The following ARMC9 variants were observed in gnomAD, a reference collection of about 807,000 sequenced individuals.
ARMC9 encodes the protein lisH domain-containing protein ARMC9.
Under a neutral mutation model 107.0 loss-of-function variants are expected in ARMC9, and 94 were observed. The ratio of observed to expected loss-of-function variants is 0.88; its 90% CI spans 0.74 to 1.04. The LOEUF is 1.04. ARMC9 is among the 50% of genes least tolerant of loss of function. The pLI, the probability that ARMC9 is intolerant of heterozygous loss-of-function variation, is 0.00. For missense variants in ARMC9, 942 were observed against 1,030.1 expected (o/e 0.91, Z 1.17); for synonymous variants, 380 against 396.9 (o/e 0.96, Z 0.51).
intron 12 of ARMC9, among the ~76,000 whole-genome samples, chr2:231,264,174 A>G (rs368252257): frequency 1.3e-5 from 2 of 152,122 alleles, no homozygotes; most frequent in Non-Finnish European, 2.9e-5. Context: ...TGTAGTTGCT[A>G]TGGTTTACTT....
chr2:231,204,193 A>G (rs1574829521), intron 1 of ARMC9, among the ~76,000 whole-genome samples: 1 of 151,242 alleles, frequency 6.6e-6, no homozygotes, highest in African/African-American at 2.4e-5. Context: ...AAAAAAAAAA[A>G]AAAAGGACAT....
chr2:231,256,731 G>A (rs1001030344), intron 10 of ARMC9, 111 bp downstream of exon 10: 2 of 1,092,334 alleles, frequency 1.8e-6, no homozygotes, highest in Non-Finnish European at 1.4e-6. Flanking sequence ...GAATGCCTTT[G>A]AGCTAGAGCT....
chr2:231,370,244 G>A, intron 24 of ARMC9, 119 bp downstream of exon 24: 1 of 1,174,628 alleles, frequency 8.5e-7, no homozygotes, highest in South Asian at 2.2e-5. Context: ...AGGCCAGAAG[G>A]GCAGAAGGCC....
rs115945053 is a variant in ARMC9 at position 231,370,313 on chromosome 2, G to A, written c.2434+188G>A. Among the ~76,000 whole-genome samples, 1,268 of 152,316 alleles carry A rather than the reference G, an allele frequency of 8.3e-3. 20 individuals are homozygous for A. Among genetic ancestry groups the A allele is most frequent in the African/African-American group, 0.028 (1,171 of 41,568 alleles). ...GGTGGCTTCCTTTCCTCCAGGGACC[G>A]GTTCTGCATGAATCTTCCTTCCTAT... On this transcript the variant is annotated intron_variant, in intron 24 of 24. Transcript: ENST00000611582.
intron 3 of ARMC9, among the ~76,000 whole-genome samples, chr2:231,209,861 T>C (rs896537338): frequency 6.6e-6 from 1 of 152,102 alleles, no homozygotes; most frequent in Non-Finnish European, 1.5e-5. Context: ...TTAAAAAAAA[T>C]TATGTGGAGA....
chr2:231,279,672 G>A (rs1188350695), intron 16 of ARMC9, among the ~76,000 whole-genome samples: 1 of 151,750 alleles, frequency 6.6e-6, no homozygotes, highest in Non-Finnish European at 1.5e-5. Flanking sequence ...CACTACGTCT[G>A]GCTAATTTTT....
chr2:231,233,231 C>T (rs1440428531), intron 7 of ARMC9, among the ~76,000 whole-genome samples: 3 of 152,144 alleles, frequency 2.0e-5, no homozygotes, highest in East Asian at 1.9e-4. Flanking sequence ...TTTTGAAATA[C>T]AATTTGAATG....
intron 18 of ARMC9, among the ~76,000 whole-genome samples, chr2:231,292,773 G>A (rs766000135): frequency 1.2e-4 from 19 of 152,218 alleles, no homozygotes; most frequent in Non-Finnish European, 2.6e-4. Context: ...TTCTGCACAC[G>A]AGCAGAAAGT....
chr2:231,357,451 C>T (rs567701560), intron 22 of ARMC9, among the ~76,000 whole-genome samples: 2 of 152,354 alleles, frequency 1.3e-5, no homozygotes, highest in East Asian at 3.9e-4. Context: ...AGGACACGGA[C>T]CCACGCAGCC....
At chr2:231,324,122 ACTTTTTTTTT>A (rs1451888146) in intron 19 of ARMC9, among the ~76,000 whole-genome samples, 1 of 95,342 alleles carries the variant, frequency 1.0e-5, no homozygotes, top group Non-Finnish European at 2.0e-5. Flanking sequence ...ATTGTAAAGT[ACTTTTTTTTT>A]TTTTTTTTTT....
chr2:231,254,044 A>G (rs2037534320), intron 9 of ARMC9, among the ~76,000 whole-genome samples: 1 of 152,196 alleles, frequency 6.6e-6, no homozygotes, highest in Non-Finnish European at 1.5e-5. Flanking sequence ...GGTGGGACTT[A>G]CATGACGCAG....
At chr2:231,333,389 G>A (rs374652431) in intron 20 of ARMC9, among the ~76,000 whole-genome samples, 1 of 152,182 alleles carries the variant, frequency 6.6e-6, no homozygotes, top group East Asian at 1.9e-4. Context: ...ATGGAGGCTG[G>A]GGGGCGGGGA....
At chr2:231,336,615 T>C (rs56721401) in intron 20 of ARMC9, among the ~76,000 whole-genome samples, 19,630 of 152,250 alleles carry the variant, frequency 0.13, 2,968 homozygotes, top group African/African-American at 0.36. Flanking sequence ...CTATAGTGAA[T>C]GCTAATTGCT....
rs371428399 is a variant in ARMC9 at position 231,206,201 on chromosome 2, T to C, written c.-38T>C. ...GTCTTGTATTTTTGCCTTCTAGAGA[T>C]TTTTGCTGTGAGAATTAATTACCAG... is the stretch of plus-strand genomic sequence containing the variant. On this transcript the variant is annotated 5_prime_UTR_variant, in exon 2 of 25. Transcript: ENST00000611582. The C allele has an allele frequency of 8.2e-6, 13 of 1,589,932 alleles. No individual in the cohort carries two copies. In the African/African-American group the frequency reaches 1.7e-4, roughly 21 times the overall value.
intron 9 of ARMC9, among the ~76,000 whole-genome samples, chr2:231,254,582 G>T (rs2037588486): frequency 6.6e-6 from 1 of 151,814 alleles, no homozygotes; most frequent in Non-Finnish European, 1.5e-5. Flanking sequence ...TACTCTGGAG[G>T]CTGAGGCAGG....
chr2:231,303,582 A>G (rs1253155420), intron 19 of ARMC9, among the ~76,000 whole-genome samples: 1 of 152,180 alleles, frequency 6.6e-6, no homozygotes, highest in Non-Finnish European at 1.5e-5. Flanking sequence ...TTTCTTCATC[A>G]TATGAGATGA....
chr2:231,296,718 T>C (rs1196739245), intron 19 of ARMC9, among the ~76,000 whole-genome samples: 2 of 152,226 alleles, frequency 1.3e-5, no homozygotes, highest in Non-Finnish European at 2.9e-5. Context: ...TTTTGACTTG[T>C]GTTTCCTCAG....
rs987537445 is a variant in ARMC9, at chr2:231,297,302, C to G, written c.1773+1049C>G. Among the ~76,000 whole-genome samples the G allele has an allele frequency of 6.6e-6, 1 of 152,186 alleles. No homozygotes were observed. Among genetic ancestry groups the G allele is most frequent in the Admixed American group, 6.5e-5 (1 of 15,278 alleles). On this transcript the variant is annotated intron_variant, in intron 19 of 24. Coordinates refer to ENST00000611582, the MANE Select transcript of ARMC9 (RefSeq NM_001352754.2). This position sits in a 1 kb window ranked among gnomAD's most constrained non-coding sequence, Gnocchi z 4.2. ...GACCTCCAGATAGGGGTCCTGGCCC[C>G]TATCATCTTCTCCAGGCCCCTTTGT...
rs952581071 is a variant in ARMC9, at chr2:231,316,479, G to T, written c.1774-15314G>T. Among the ~76,000 whole-genome samples, 7 of 151,784 alleles carry T rather than the reference G, an allele frequency of 4.6e-5. No homozygotes were observed. The East Asian group carries it at 1.4e-3, about 29-fold the overall frequency. Reference sequence around the variant, plus strand: ...AGTTCGAGACCAGCCTGGCCAACATGGTGAAACCCCATCTCTACTAAAAAT... The same window carrying T: ...AGTTCGAGACCAGCCTGGCCAACATTGTGAAACCCCATCTCTACTAAAAAT... On this transcript the variant is annotated intron_variant, in intron 19 of 24. Transcript: ENST00000611582.
Sources: gnomAD v4.1 joint callset for allele counts (sites outside exome capture counted in the v4.1 genomes callset) on GRCh38, gnomAD v4.1.1 for gene constraint, Gnocchi (gnomAD v3.1) non-coding constraint, MANE v1.5 for transcripts, NCBI Gene and HGNC (gene_info 2026-07-23, HGNC 2026-07-21) for gene names.